FHIT: variants seen among roughly 807,000 people sequenced by gnomAD.
The protein encoded by FHIT is fragile histidine triad diadenosine triphosphatase.
Under a neutral mutation model 17.9 loss-of-function variants are expected in FHIT, and 19 were observed. The observed-to-expected ratio is 1.06, with a 90% confidence interval of 0.74 to 1.56. The LOEUF (loss-of-function observed/expected upper bound fraction) is 1.56, where lower values mean the gene tolerates loss of function less well. Ranked by LOEUF, FHIT falls within the 40% of genes most tolerant of loss-of-function variation. The probability of loss-of-function intolerance (pLI) is 0.00; values close to 1 mark genes in which losing one functional copy is unlikely to be tolerated. For synonymous variants in FHIT, 81 were observed against 69.7 expected, an observed-to-expected ratio of 1.16 and a Z score of -0.81; for missense variants, 248 against 189.2, an observed-to-expected ratio of 1.31 and a Z score of -1.82.
chr3:60,305,932 G>A (rs542050157), intron 5 of FHIT, among the ~76,000 whole-genome samples: 1 of 152,116 alleles, frequency 6.6e-6, no homozygotes, highest in African/African-American at 2.4e-5. Flanking sequence ...TAATGAGACT[G>A]CATCACTTAC....
chr3:60,312,436 C>T (rs980585498), intron 5 of FHIT, among the ~76,000 whole-genome samples: 4 of 152,284 alleles, frequency 2.6e-5, no homozygotes, highest in East Asian at 3.9e-4. Context: ...AGCCACCTCA[C>T]CCAGCCACAA....
intron 2 of FHIT, among the ~76,000 whole-genome samples, chr3:61,171,989 G>A (rs2038018988): frequency 6.6e-6 from 1 of 152,176 alleles, no homozygotes; most frequent in Non-Finnish European, 1.5e-5. Flanking sequence ...ATGGACGGGG[G>A]AAAAGAAATT....
chr3:59,922,412 G>T lies in FHIT; in HGVS notation c.282C>A (p.His94Gln). ...DGPEAGQTVK[H>Q]VHVHVLPRKA... ...TCCTGGGAAGAACATGGACGTGAAC[G>T]TGCTGAAAATGTACAAGAAAGAAAA... The change falls in exon 8 of 10, where the codon CAC (histidine) becomes CAA (glutamine). Residue 94 changes from histidine (H) to glutamine (Q), a missense_variant and splice_region_variant. His to Gln is a conservative substitution (Grantham distance 24, BLOSUM62 0). Transcript: ENST00000492590. 1.2e-6 allele frequency: 2 copies of T among 1,612,816 alleles called. No homozygotes were observed. Among genetic ancestry groups the T allele is most frequent in the South Asian group, 1.1e-5 (1 of 90,974 alleles).
At chr3:59,984,921 T>A (rs746017772) in intron 7 of FHIT, among the ~76,000 whole-genome samples, 1 of 152,060 alleles carries the variant, frequency 6.6e-6, no homozygotes, top group Non-Finnish European at 1.5e-5. Flanking sequence ...GGGTCAGCAG[T>A]ATTGGGCTTC....
intron 5 of FHIT, among the ~76,000 whole-genome samples, chr3:60,020,483 T>G (rs999113631): frequency 6.6e-6 from 1 of 152,230 alleles, no homozygotes; most frequent in South Asian, 2.1e-4. Flanking sequence ...TGATTTTGAT[T>G]AGGCTGATTA....
chr3:59,807,687 G>A (rs1700256136), intron 8 of FHIT, among the ~76,000 whole-genome samples: 1 of 152,148 alleles, frequency 6.6e-6, no homozygotes, highest in African/African-American at 2.4e-5. Flanking sequence ...TATATCCATT[G>A]GAGGGTACCC....
chr3:59,916,094 G>T (rs1705122584), intron 8 of FHIT, among the ~76,000 whole-genome samples: 2 of 152,136 alleles, frequency 1.3e-5, no homozygotes, highest in Non-Finnish European at 2.9e-5. Flanking sequence ...TTGAGTCAGT[G>T]GACTGGGAGA....
At position 60,725,391 on chromosome 3, in the gene FHIT, T is replaced by C. The variant is rs1192506457; in HGVS notation, c.-18+96528A>G. On this transcript the variant is annotated intron_variant, in intron 4 of 9. Coordinates refer to ENST00000492590, the MANE Select transcript of FHIT (RefSeq NM_002012.4). Reference sequence around the variant, plus strand: ...ACAAGGTCATGAAGATTTATCCCTATGGTTTTGTCTAATAATGTTATAGTT... The same window carrying C: ...ACAAGGTCATGAAGATTTATCCCTACGGTTTTGTCTAATAATGTTATAGTT... 4.6e-5 allele frequency among the ~76,000 whole-genome samples: 7 copies of C among 152,200 alleles called. No homozygotes were observed. In the South Asian group the frequency reaches 1.2e-3, roughly 27 times the overall value.
chr3:60,130,762 G>GCT (rs1699510748), intron 5 of FHIT, among the ~76,000 whole-genome samples: 1 of 41,976 alleles, frequency 2.4e-5, no homozygotes, highest in Middle Eastern at 0.011. Flanking sequence ...GTGTGTGTGT[G>GCT]TGTTTGTGTG....
intron 2 of FHIT, among the ~76,000 whole-genome samples, chr3:61,099,109 G>A (rs1015296349): frequency 6.6e-6 from 1 of 152,136 alleles, no homozygotes; most frequent in Non-Finnish European, 1.5e-5. Flanking sequence ...AAGGAGTTTA[G>A]TGAGAGTTTT....
intron 3 of FHIT, among the ~76,000 whole-genome samples, chr3:60,896,003 A>C (rs1185232569): frequency 6.6e-6 from 1 of 151,982 alleles, no homozygotes; most frequent in African/African-American, 2.4e-5. Context: ...CTAGGAGGTG[A>C]GCAGCGGGCA....
At chr3:60,434,897 A>T (rs976211832) in intron 5 of FHIT, among the ~76,000 whole-genome samples, 2 of 152,170 alleles carry the variant, frequency 1.3e-5, no homozygotes, top group African/African-American at 4.8e-5. Flanking sequence ...ACATCTTACT[A>T]ACTACAACAT....
intron 8 of FHIT, among the ~76,000 whole-genome samples, chr3:59,891,960 G>GCAGT: frequency 6.6e-6 from 1 of 152,264 alleles, no homozygotes; most frequent in Admixed American, 6.5e-5. Flanking sequence ...ATGAAACTGC[G>GCAGT]TTGTCTCCAA....
intron 5 of FHIT, among the ~76,000 whole-genome samples, chr3:60,384,339 T>A (rs936481641): frequency 6.6e-6 from 1 of 152,054 alleles, no homozygotes; most frequent in South Asian, 2.1e-4. Flanking sequence ...TTCCATAATA[T>A]CTTAAGTTTC....
chr3:59,924,267 T>C (rs1289691976), intron 7 of FHIT, among the ~76,000 whole-genome samples: 1 of 152,160 alleles, frequency 6.6e-6, no homozygotes, highest in Non-Finnish European at 1.5e-5. Context: ...TTTCTTCTTC[T>C]CCTCTTTTTG....
chr3:60,398,262 T>C (rs1701529858), intron 5 of FHIT, among the ~76,000 whole-genome samples: 2 of 152,116 alleles, frequency 1.3e-5, no homozygotes, highest in African/African-American at 2.4e-5. Context: ...AACCTGAAAA[T>C]AATACCTACT....
At chr3:60,130,360 G>C (rs80064068) in intron 5 of FHIT, among the ~76,000 whole-genome samples, 2 of 152,072 alleles carry the variant, frequency 1.3e-5, no homozygotes, top group Non-Finnish European at 2.9e-5. Context: ...CAGGCTAACG[G>C]CTGGCTATAA....
At chr3:60,615,951 A>G (rs2038938826) in intron 4 of FHIT, among the ~76,000 whole-genome samples, 1 of 152,220 alleles carries the variant, frequency 6.6e-6, no homozygotes, top group Admixed American at 6.5e-5. Context: ...GAAGTCAGAC[A>G]AATGTGCACA....
intron 7 of FHIT, among the ~76,000 whole-genome samples, chr3:59,980,776 T>A (rs1030963852): frequency 9.2e-5 from 14 of 152,160 alleles, no homozygotes; most frequent in African/African-American, 3.4e-4. Flanking sequence ...GCTGCCAGTG[T>A]CTTGATCTTG....
Sources: gnomAD v4.1 joint callset for allele counts (sites outside exome capture counted in the v4.1 genomes callset) on GRCh38, gnomAD v4.1.1 for gene constraint, MANE v1.5 for transcripts, NCBI Gene and HGNC (gene_info 2026-07-23, HGNC 2026-07-21) for gene names.